The following ARMH3 variants were observed in gnomAD, a reference collection of about 807,000 sequenced individuals.
The protein encoded by ARMH3 is armadillo like helical domain containing 3.
In ARMH3, 60 loss-of-function variants were observed where a neutral mutation model predicts 99.1. The ratio of observed to expected loss-of-function variants is 0.61; its 90% CI spans 0.49 to 0.75. ARMH3 has a LOEUF of 0.75. ARMH3 is among the 30% of genes least tolerant of loss of function. ARMH3 has a pLI of 0.00. For missense variants in ARMH3, 679 were observed against 843.1 expected, an observed-to-expected ratio of 0.81 and a Z score of 2.41; for synonymous variants, 285 against 292.8, an observed-to-expected ratio of 0.97 and a Z score of 0.27.
chr10:101,920,605 T>C (rs1477866846), intron 23 of ARMH3, among the ~76,000 whole-genome samples: 5 of 151,930 alleles, frequency 3.3e-5, no homozygotes, highest in Non-Finnish European at 7.4e-5. Flanking sequence ...AAAAGAAATA[T>C]GAACAATAAA....
intron 23 of ARMH3, among the ~76,000 whole-genome samples, chr10:101,912,341 C>T (rs1198059100): frequency 1.4e-5 from 2 of 144,874 alleles, no homozygotes; most frequent in East Asian, 2.0e-4. Flanking sequence ...TGCAGTGAGC[C>T]GAGATCGTGC....
At chr10:102,007,122 C>T (rs1379394412) in intron 13 of ARMH3, among the ~76,000 whole-genome samples, 5 of 141,870 alleles carry the variant, frequency 3.5e-5, no homozygotes, top group African/African-American at 1.3e-4. Context: ...TATCACGCCA[C>T]TGCACTCCAG....
chr10:101,969,787 A>G (rs1845690986), intron 20 of ARMH3, among the ~76,000 whole-genome samples: 1 of 152,132 alleles, frequency 6.6e-6, no homozygotes, highest in Admixed American at 6.5e-5. Context: ...TCTGTGTCTG[A>G]GCATAGGAGT....
At chr10:102,016,835 G>T (rs2066759255) in intron 8 of ARMH3, among the ~76,000 whole-genome samples, 1 of 152,178 alleles carries the variant, frequency 6.6e-6, no homozygotes, top group African/African-American at 2.4e-5. Flanking sequence ...GCCTTTATTT[G>T]ATTGCAGGTA....
chr10:101,957,418 T>C (rs1590083206), intron 21 of ARMH3, among the ~76,000 whole-genome samples: 2 of 152,220 alleles, frequency 1.3e-5, no homozygotes, highest in South Asian at 2.1e-4. Context: ...ATCTAACCTA[T>C]ACCCACCCCT....
intron 23 of ARMH3, among the ~76,000 whole-genome samples, chr10:101,930,390 T>G (rs1309527602): frequency 6.6e-6 from 1 of 151,970 alleles, no homozygotes; most frequent in African/African-American, 2.4e-5. Flanking sequence ...GAAAGAAAAC[T>G]TATTAGGTTG....
chr10:101,886,555 G>GT (rs1300857738), intron 24 of ARMH3, among the ~76,000 whole-genome samples: 1 of 151,970 alleles, frequency 6.6e-6, no homozygotes, highest in African/African-American at 2.4e-5. Flanking sequence ...CACATTGAGG[G>GT]TATCAACTGA....
intron 24 of ARMH3, among the ~76,000 whole-genome samples, chr10:101,885,480 A>G (rs1268051489): frequency 1.3e-5 from 2 of 152,224 alleles, no homozygotes; most frequent in Non-Finnish European, 2.9e-5. Context: ...ACATGGTACA[A>G]TATGGATGAA....
chr10:102,028,057 A>T (rs1324708190), intron 5 of ARMH3, among the ~76,000 whole-genome samples: 4 of 151,892 alleles, frequency 2.6e-5, no homozygotes, highest in Non-Finnish European at 2.9e-5. Flanking sequence ...TCTCCAAAAA[A>T]AAAAAATAAA....
chr10:101,990,404 C>T, intron 19 of ARMH3, 147 bp downstream of exon 19: 1 of 549,768 alleles, frequency 1.8e-6, no homozygotes, highest in Non-Finnish European at 3.3e-6. Context: ...ATCTCCTGAC[C>T]TTGTGATCCG....
At chr10:101,924,717 G>C (rs1352599747) in intron 23 of ARMH3, among the ~76,000 whole-genome samples, 5 of 152,094 alleles carry the variant, frequency 3.3e-5, no homozygotes, top group Non-Finnish European at 7.4e-5. Context: ...AATATGGCCA[G>C]GAGTAGCGGC....
At chr10:102,011,643 C>T in intron 11 of ARMH3, 80 bp downstream of exon 11, 1 of 1,226,758 alleles carries the variant, frequency 8.2e-7, no homozygotes, top group South Asian at 1.4e-5. Flanking sequence ...AATATCTGAA[C>T]TTCGGAGCCC....
intron 22 of ARMH3, among the ~76,000 whole-genome samples, chr10:101,954,875 T>C (rs1844958120): frequency 6.6e-6 from 1 of 152,346 alleles, no homozygotes; most frequent in South Asian, 2.1e-4. Context: ...TTCTCTTATC[T>C]TGTTGCTGTA....
chr10:101,856,422 CG>C (rs1314560409), intron 24 of ARMH3, among the ~76,000 whole-genome samples: 2 of 152,076 alleles, frequency 1.3e-5, no homozygotes, highest in East Asian at 1.9e-4. Context: ...AGGCTCGGGG[CG>C]GGGTGCTGAA....
rs557567493 is a variant in ARMH3 at position 101,915,206 on chromosome 10, A to G, written c.1781+24657T>C. Among the ~76,000 whole-genome samples, 39 of 152,312 alleles carry G rather than the reference A, an allele frequency of 2.6e-4. 1 individual carries two copies. The highest frequency in any genetic ancestry group is 9.4e-4 in the African/African-American group (39 of 41,574). ...TTTATAAAAAGGGATACAAATCAAT[A>G]AGAGGCTTTAACAGATGGGGTCTTG... On this transcript the variant is annotated intron_variant, in intron 23 of 25. Coordinates refer to ENST00000370033, the MANE Select transcript of ARMH3 (RefSeq NM_024541.3).
At chr10:101,986,663 C>T (rs1233707114) in intron 19 of ARMH3, among the ~76,000 whole-genome samples, 1 of 152,138 alleles carries the variant, frequency 6.6e-6, no homozygotes, top group Non-Finnish European at 1.5e-5. Flanking sequence ...CTGCTGTATA[C>T]TGCCGAAAAG....
At chr10:101,893,653 G>GC (rs934743750) in intron 23 of ARMH3, among the ~76,000 whole-genome samples, 1 of 150,168 alleles carries the variant, frequency 6.7e-6, no homozygotes, top group Non-Finnish European at 1.5e-5. Flanking sequence ...AGGAAACAAA[G>GC]CAAGGACATA....
chr10:101,917,011 T>C (rs984830564), intron 23 of ARMH3, among the ~76,000 whole-genome samples: 2 of 152,220 alleles, frequency 1.3e-5, no homozygotes. Context: ...TCCCTGATTC[T>C]ACAGCTTGCA....
At chr10:101,912,369 G>A (rs1405218032) in intron 23 of ARMH3, among the ~76,000 whole-genome samples, 1 of 146,672 alleles carries the variant, frequency 6.8e-6, no homozygotes, top group Non-Finnish European at 1.5e-5. Context: ...CTCCAGCCTG[G>A]CGACAGAGTG....
Sources: allele counts gnomAD v4.1 joint callset (sites outside exome capture counted in the v4.1 genomes callset), GRCh38; gene constraint gnomAD v4.1.1; transcripts MANE v1.5; gene names NCBI Gene and HGNC (gene_info 2026-07-23, HGNC 2026-07-21).